The following UBN1 variants were observed in gnomAD, a reference collection of about 807,000 sequenced individuals.
The protein encoded by UBN1 is ubinuclein-1.
UBN1 carries 17 observed loss-of-function variants against 108.5 expected under a neutral mutation model. The observed-to-expected ratio is 0.16, with a 90% confidence interval of 0.11 to 0.24. The LOEUF is 0.24. Ranked by LOEUF, UBN1 falls within the 10% of genes least tolerant of loss-of-function variation. The pLI is 1.00. For missense variants in UBN1, 1,595 were observed against 1,394.4 expected, an observed-to-expected ratio of 1.14 and a Z score of -2.29; for synonymous variants, 726 against 564.2, an observed-to-expected ratio of 1.29 and a Z score of -4.07.
At chr16:4,865,255 T>G (rs891103818) in intron 7 of UBN1, among the ~76,000 whole-genome samples, 2 of 152,232 alleles carry the variant, frequency 1.3e-5, no homozygotes, top group Non-Finnish European at 2.9e-5. Context: ...CCCTCAGAGA[T>G]ATTGTCTATG....
intron 2 of UBN1, among the ~76,000 whole-genome samples, chr16:4,854,207 G>C (rs1367656483): frequency 2.1e-5 from 3 of 144,308 alleles, no homozygotes; most frequent in Admixed American, 6.9e-5. Context: ...CAAATTTTTT[G>C]TATTTTTAGT....
At position 4,858,168 on chromosome 16, in the gene UBN1, A is replaced by C. The variant is rs550242038; in HGVS notation, c.336+92A>C. 4.7e-6 allele frequency: 4 copies of C among 854,586 alleles called. No homozygotes were observed. The African/African-American group carries it at 5.1e-5, about 11-fold the overall frequency. 52.9% of individuals were successfully genotyped at this position (854,586 alleles called of 1,614,324 possible). On this transcript the variant is annotated intron_variant, in intron 3 of 17. Transcript: ENST00000262376. ...TTTAGTGGATCATCATGTAATAAAC[A>C]CTGATCTGGAAGTAAGCCTTAAGCA...
chr16:4,875,602 C>T (rs1596527371), intron 15 of UBN1, among the ~76,000 whole-genome samples, 168 bp downstream of exon 15: 1 of 152,164 alleles, frequency 6.6e-6, no homozygotes, highest in East Asian at 1.9e-4. Context: ...CAGGTATTCA[C>T]TTTTCTGGTG....
chr16:4,855,004 G>T (rs933903947), intron 2 of UBN1, among the ~76,000 whole-genome samples: 4 of 152,194 alleles, frequency 2.6e-5, no homozygotes, highest in African/African-American at 9.7e-5. Flanking sequence ...TTACAGGCGT[G>T]AGCCACCGTG....
At chr16:4,861,670 A>T in intron 7 of UBN1, among the ~76,000 whole-genome samples, 1 of 152,232 alleles carries the variant, frequency 6.6e-6, no homozygotes, top group East Asian at 1.9e-4. Context: ...GGCAGGGTGC[A>T]GTGGCTCACG....
In UBN1 at chr16:4,874,682, T is replaced by G. The variant is rs1214331320; in HGVS notation, c.2272T>G (p.Ser758Ala). The change falls in exon 15 of 18, where the codon TCT (serine) becomes GCT (alanine). Residue 758 changes from serine (S) to alanine (A), a missense_variant. Transcript: ENST00000262376. ...CTCTCAGGAGAAAAAACCAGAGAGT[T>G]CTGGCTACAAAGAGCTGTCCTGCCA... Reference protein sequence around the residue: ...QSSQEKKPESSGYKELSCQAP... With the variant: ...QSSQEKKPESAGYKELSCQAP... 8.7e-6 allele frequency: 14 copies of G among 1,614,016 alleles called. No individual in the cohort carries two copies. The highest frequency in any genetic ancestry group is 1.3e-5 in the African/African-American group (1 of 74,910).
chr16:4,866,047 G>T (rs763247754), intron 7 of UBN1, among the ~76,000 whole-genome samples: 3 of 152,204 alleles, frequency 2.0e-5, no homozygotes, highest in Non-Finnish European at 2.9e-5. Context: ...TGAAAGTGTG[G>T]CATGTGAAAT....
intron 2 of UBN1, among the ~76,000 whole-genome samples, chr16:4,854,811 C>T (rs1447849327): frequency 6.6e-6 from 1 of 152,058 alleles, no homozygotes; most frequent in East Asian, 1.9e-4. Flanking sequence ...CAAGCTCCGC[C>T]TCCTCGGTTC....
At chr16:4,863,644 G>T (rs1337637813) in intron 7 of UBN1, among the ~76,000 whole-genome samples, 1 of 151,656 alleles carries the variant, frequency 6.6e-6, no homozygotes, top group African/African-American at 2.4e-5. Context: ...TTATAAGATT[G>T]GGTAGACTTT....
At chr16:4,861,811 C>T (rs976376950) in intron 7 of UBN1, among the ~76,000 whole-genome samples, 2 of 152,154 alleles carry the variant, frequency 1.3e-5, no homozygotes, top group Non-Finnish European at 2.9e-5. Flanking sequence ...GGCCTGGTGG[C>T]GCTCGCCGTA....
Position 4,875,199 on chromosome 16 carries a change from C to T in UBN1, c.2789C>T (p.Ser930Phe). The change falls in exon 15 of 18, where the codon TCT becomes TTT. Residue 930 changes from serine (S) to phenylalanine (F), a missense_variant. Ser to Phe is a radical substitution (Grantham distance 155, BLOSUM62 -2). Transcript: ENST00000262376. Reference protein sequence around the residue: ...SGGTPVQSSVSGSLVPGIQPP... With the variant: ...SGGTPVQSSVFGSLVPGIQPP... ...GGAACACCAGTCCAGAGTTCTGTTT[C>T]TGGGAGCCTGGTCCCTGGCATACAG... 2 of 1,614,248 alleles carry T rather than the reference C, an allele frequency of 1.2e-6. No individual in the cohort carries two copies. The highest frequency in any genetic ancestry group is 1.7e-6 in the Non-Finnish European group (2 of 1,180,046).
chr16:4,869,372 C>T (rs1438912389), intron 8 of UBN1, among the ~76,000 whole-genome samples: 1 of 152,212 alleles, frequency 6.6e-6, no homozygotes, highest in Non-Finnish European at 1.5e-5. Context: ...TAATGCTGTT[C>T]CCACATGCCT....
Position 4,859,890 on chromosome 16 carries a change from A to T in UBN1, c.593A>T (p.Glu198Val), listed in dbSNP as rs916034313. 6.2e-7 allele frequency: 1 copy of T among 1,614,142 alleles called. No individual in the cohort carries two copies. The highest frequency in any genetic ancestry group is 8.5e-7 in the Non-Finnish European group (1 of 1,180,000). ...PKKRKLKEGG[E>V]KIKKKKKDDT... ...AAGCGGAAGTTGAAGGAAGGTGGTG[A>T]GAAGATAAAGAAGAAGAAAAAAGAT... Residue 198 changes from glutamate to valine, a missense_variant, in exon 6 of 18, where the codon GAG becomes GTG. By Grantham distance (121) the Glu-to-Val change is moderately radical. Transcript: ENST00000262376.
rs2086283003 is a variant in UBN1, at chr16:4,847,985, G to C, written c.-265G>C. On this transcript the variant is annotated 5_prime_UTR_variant, in exon 1 of 18. Transcript: ENST00000262376. Reference sequence around the variant, plus strand: ...CCCCTGGTGTCCCCGGAGTGGCTGCGCGGACGTCGAGTTGGCATTTCTTCG... The same window carrying C: ...CCCCTGGTGTCCCCGGAGTGGCTGCCCGGACGTCGAGTTGGCATTTCTTCG... The C allele has an allele frequency of 6.5e-6, 1 of 153,078 alleles. No homozygotes were observed. Among genetic ancestry groups the C allele is most frequent in the Non-Finnish European group, 1.5e-5 (1 of 68,792 alleles). 9.5% of individuals were successfully genotyped at this position (153,078 alleles called of 1,614,324 possible). A position where few individuals can be genotyped will look rare whatever the true frequency, so the allele number is the denominator to read the frequency against.
At position 4,852,986 on chromosome 16, in the gene UBN1, G is replaced by A. The variant is rs1210545642; in HGVS notation, c.69G>A (p.Lys23=). Residue 23 remains lysine (K), a synonymous_variant, in exon 2 of 18, where the codon AAG becomes AAA. Transcript: ENST00000262376. ...PGSLNPAFLK[K]SRKEEAGAGE... ...CCCTGAATCCTGCGTTTTTGAAGAA[G>A]TCCCGGAAGGAGGAGGCTGGGGCAG... The A allele has an allele frequency of 6.2e-7, 1 of 1,614,226 alleles. No homozygotes were observed.
rs368027070 is a variant in UBN1 at position 4,874,308 on chromosome 16, G to A, written c.1898G>A (p.Ser633Asn). The change falls in exon 15 of 18, where the codon AGT becomes AAT. Residue 633 changes from serine to asparagine, a missense_variant. Physicochemically the swap from Ser to Asn is conservative, Grantham distance 46. Coordinates refer to ENST00000262376, the MANE Select transcript of UBN1 (RefSeq NM_001079514.3). ...TCAGATCACCAAACAGGAGGCCTGA[G>A]TATTGGGGCCTCGAGCAGGGAGCTC... The part of the protein sequence containing the change: ...LPSDHQTGGL[S>N]IGASSRELPS... 147 of 1,614,072 alleles carry A rather than the reference G, an allele frequency of 9.1e-5. No homozygotes were observed. In the Middle Eastern group the frequency reaches 3.9e-3, roughly 43 times the overall value.
At chr16:4,876,023 ATC>A (rs1475484637) in intron 15 of UBN1, among the ~76,000 whole-genome samples, 1 of 146,488 alleles carries the variant, frequency 6.8e-6, no homozygotes, top group East Asian at 2.0e-4. Flanking sequence ...CAGTGGCGCT[ATC>A]TCGGCTCAGC....
In UBN1 at chr16:4,874,617, T is replaced by A; in HGVS notation, c.2207T>A (p.Leu736His). The change falls in exon 15 of 18, where the codon CTC (leucine) becomes CAC (histidine). Residue 736 changes from leucine (L) to histidine (H), a missense_variant. This residue lies in a region of UBN1 where 1,398 missense variants were observed against 1,194.7 expected (regional missense o/e 1.17). Coordinates refer to ENST00000262376, the MANE Select transcript of UBN1 (RefSeq NM_001079514.3). ...CCAGCTAGCTCTCTGCAGTCACCCC[T>A]CAATTTTCTGGCAGAACAGGCTCTG... ...PPPASSLQSP[L>H]NFLAEQALAL... is the part of the protein sequence containing the mutation. The A allele has an allele frequency of 6.2e-7, 1 of 1,614,152 alleles. No individual in the cohort carries two copies. Among genetic ancestry groups the A allele is most frequent in the East Asian group, 2.2e-5 (1 of 44,882 alleles).
At position 4,847,569 on chromosome 16, in the gene UBN1, G is replaced by C. The variant is rs911278966; in HGVS notation, c.-681G>C. On this transcript the variant is annotated 5_prime_UTR_variant, in exon 1 of 18. Transcript: ENST00000262376. ...GGCGACGGTGCGACCGGCTGAGCGC[G>C]AGAGGGAGCCGGCCTCGCGGCTCGC... is the stretch of plus-strand genomic sequence containing the variant. 1 of 403,348 alleles carries C rather than the reference G, an allele frequency of 2.5e-6. No individual in the cohort carries two copies. Among genetic ancestry groups the C allele is most frequent in the South Asian group, 3.3e-5 (1 of 30,488 alleles). The allele number at this position is 403,348 out of a possible 1,614,324, so 25.0% of individuals were successfully genotyped here.
Sources: gnomAD v4.1 joint callset for allele counts (sites outside exome capture counted in the v4.1 genomes callset) on GRCh38, gnomAD v4.1.1 for gene constraint, gnomAD v4.1.1 regional missense constraint, MANE v1.5 for transcripts, NCBI Gene and HGNC (gene_info 2026-07-23, HGNC 2026-07-21) for gene names.